The following RDX variants were observed in gnomAD, a reference collection of about 807,000 sequenced individuals.
RDX encodes the protein radixin.
Under a neutral mutation model 83.7 loss-of-function variants are expected in RDX, and 32 were observed. The observed-to-expected ratio is 0.38, with a 90% CI of 0.29 to 0.51. The LOEUF is 0.51. Ranked by LOEUF, RDX falls within the 20% of genes least tolerant of loss-of-function variation. RDX has a pLI of 0.87. For missense variants in RDX, 600 were observed against 689.9 expected, an observed-to-expected ratio of 0.87 and a Z score of 1.46; for synonymous variants, 229 against 222.7, an observed-to-expected ratio of 1.03 and a Z score of -0.25.
chr11:110,223,928 G>C (rs1267909504), intron 14 of RDX, among the ~76,000 whole-genome samples: 1 of 152,026 alleles, frequency 6.6e-6, no homozygotes, highest in Admixed American at 6.6e-5. Context: ...AAATCAGCCA[G>C]GCATGAGAAT....
intron 15 of RDX, among the ~76,000 whole-genome samples, chr11:110,192,641 T>C (rs1863124681): frequency 6.6e-6 from 1 of 151,998 alleles, no homozygotes; most frequent in Non-Finnish European, 1.5e-5. Flanking sequence ...ATATTCAGAG[T>C]CTCTGAAAAA....
At chr11:110,240,759 A>C (rs1865059782) in intron 10 of RDX, among the ~76,000 whole-genome samples, 2 of 148,712 alleles carry the variant, frequency 1.3e-5, no homozygotes. Context: ...AAAAAAAAAA[A>C]AACGGTAAAA....
Position 110,272,567 on chromosome 11 carries a change from G to C in RDX, c.65C>G (p.Pro22Arg), listed in dbSNP as rs1376600655. Reference sequence around the variant, plus strand: ...AAAAAGTTGTTTGCCAGTTGTATTGGGCTGAATGGCAAATTCCAGCTCAGC... The same window carrying C: ...AAAAAGTTGTTTGCCAGTTGTATTGCGCTGAATGGCAAATTCCAGCTCAGC... The part of the protein sequence containing the change: ...MDAELEFAIQ[P>R]NTTGKQLFDQ... The change falls in exon 3 of 14, where the codon CCC (proline) becomes CGC (arginine). Residue 22 changes from proline to arginine, a missense_variant. Transcript: ENST00000645495. 1 of 1,612,080 alleles carries C rather than the reference G, an allele frequency of 6.2e-7. No individual in the cohort carries two copies.
At chr11:110,222,063 C>T (rs890727346) in intron 14 of RDX, among the ~76,000 whole-genome samples, 1 of 152,144 alleles carries the variant, frequency 6.6e-6, no homozygotes, top group Admixed American at 6.5e-5. Flanking sequence ...AAACATCATG[C>T]CTTCTTTTCT....
At chr11:110,218,037 G>A (rs1479898081) in intron 14 of RDX, among the ~76,000 whole-genome samples, 1 of 152,152 alleles carries the variant, frequency 6.6e-6, no homozygotes, top group African/African-American at 2.4e-5. Flanking sequence ...CAAGTGCTTC[G>A]TGGAGCCTAT....
chr11:110,178,428 G>T lies in RDX; in HGVS notation c.*32-3194C>A, dbSNP rs867250517. On this transcript the variant is annotated intron_variant, in intron 15 of 15. Transcript: ENST00000528498. ...GAAGAGTGTGGGGAGAGAACTAAGGGTCACCACTGCCTACATCATGTTTAG... is the reference window on the plus strand; with the variant it reads ...GAAGAGTGTGGGGAGAGAACTAAGGTTCACCACTGCCTACATCATGTTTAG... Among the ~76,000 whole-genome samples, 22 of 152,210 alleles carry T rather than the reference G, an allele frequency of 1.4e-4. No homozygotes were observed. In the South Asian group the frequency reaches 4.1e-3, roughly 29 times the overall value.
At chr11:110,221,443 CA>C (rs1314139665) in intron 14 of RDX, among the ~76,000 whole-genome samples, 3 of 151,992 alleles carry the variant, frequency 2.0e-5, no homozygotes, top group Non-Finnish European at 4.4e-5. Context: ...ACTAAAAATA[CA>C]AAAATTAGCC....
intron 8 of RDX, among the ~76,000 whole-genome samples, chr11:110,254,885 T>A (rs1859481106): frequency 1.3e-5 from 2 of 152,150 alleles, no homozygotes; most frequent in South Asian, 4.1e-4. Context: ...ATTTCTTAAG[T>A]TCAAGGCTTC....
At chr11:110,277,408 C>G (rs1860565970) in intron 2 of RDX, among the ~76,000 whole-genome samples, 2 of 152,118 alleles carry the variant, frequency 1.3e-5, no homozygotes, top group Admixed American at 1.3e-4. Context: ...CAACCTTCGC[C>G]TCCTGGATTC....
At chr11:110,250,244 T>G (rs1034831906) in intron 9 of RDX, among the ~76,000 whole-genome samples, 1 of 152,144 alleles carries the variant, frequency 6.6e-6, no homozygotes, top group African/African-American at 2.4e-5. Context: ...ACATCACGCT[T>G]TGTGTGAAAG....
chr11:110,195,511 TCACCGCCTAC>T, intron 15 of RDX: 1 of 152,282 alleles, frequency 6.6e-6, no homozygotes, highest in Non-Finnish European at 1.5e-5. Flanking sequence ...CAAGCAATAT[TCACCGCCTAC>T]CACCAGGATG....
chr11:110,224,500 G>A (rs113594295), downstream of RDX, among the ~76,000 whole-genome samples: 10 of 152,254 alleles, frequency 6.6e-5, 1 homozygote, highest in African/African-American at 2.4e-4. Flanking sequence ...ATCTGATTCA[G>A]AACTATAAAA....
chr11:110,215,079 G>A (rs1203190761), intron 14 of RDX, among the ~76,000 whole-genome samples: 7 of 147,774 alleles, frequency 4.7e-5, no homozygotes, highest in East Asian at 3.9e-4. Context: ...TAATGCTTTC[G>A]GCTGGGTGCA....
chr11:110,244,249 C>A (rs1358432979), intron 10 of RDX, among the ~76,000 whole-genome samples: 1 of 150,712 alleles, frequency 6.6e-6, no homozygotes, highest in Non-Finnish European at 1.5e-5. Flanking sequence ...GTAATCCCAG[C>A]TACTCAGGAG....
chr11:110,264,922 C>T (rs1405625956), intron 3 of RDX, 48 bp from the exon 4 acceptor site: 2 of 1,350,134 alleles, frequency 1.5e-6, no homozygotes, highest in Non-Finnish European at 2.1e-6. Context: ...CCAACATACA[C>T]ATTGTGTCTA....
At chr11:110,279,853 G>A in intron 1 of RDX, 97 bp from the exon 2 acceptor site, 1 of 561,458 alleles carries the variant, frequency 1.8e-6, no homozygotes, top group Non-Finnish European at 3.1e-6. Flanking sequence ...TATTTGAAAA[G>A]GTGGATTTAA....
chr11:110,259,499 C>A (rs1185867503), intron 5 of RDX, among the ~76,000 whole-genome samples: 1 of 152,172 alleles, frequency 6.6e-6, no homozygotes, highest in Admixed American at 6.5e-5. Flanking sequence ...GATAAAATCT[C>A]CCCCTGGATA....
chr11:110,219,255 G>T (rs1414119606), intron 14 of RDX, among the ~76,000 whole-genome samples: 1 of 152,110 alleles, frequency 6.6e-6, no homozygotes, highest in Non-Finnish European at 1.5e-5. Flanking sequence ...CTGCTTTAAA[G>T]AATAACAAGG....
intron 1 of RDX, among the ~76,000 whole-genome samples, chr11:110,292,536 T>C (rs553568636): frequency 6.6e-6 from 1 of 152,296 alleles, no homozygotes; most frequent in South Asian, 2.1e-4. Flanking sequence ...GAGAATTTTC[T>C]GCTATTTGAT....
Sources: allele counts gnomAD v4.1 joint callset (sites outside exome capture counted in the v4.1 genomes callset), GRCh38; gene constraint gnomAD v4.1.1; transcripts MANE v1.5; gene names NCBI Gene and HGNC (gene_info 2026-07-23, HGNC 2026-07-21).